Variants in SRRM4 observed in about 807,000 individuals in gnomAD.
SRRM4 encodes the protein serine/arginine repetitive matrix protein 4.
SRRM4 carries 33 observed loss-of-function variants against 68.9 expected under a neutral mutation model. That is an observed-to-expected ratio of 0.48 (90% CI 0.36 to 0.64). The LOEUF is 0.64. SRRM4 is among the 30% of genes least tolerant of loss of function. The pLI, the probability that SRRM4 is intolerant of heterozygous loss-of-function variation, is 0.00. For synonymous variants in SRRM4, 318 were observed against 318.8 expected, an observed-to-expected ratio of 1.00 and a Z score of 0.03; for missense variants, 817 against 827.1, an observed-to-expected ratio of 0.99 and a Z score of 0.15.
At chr12:119,070,421 C>T (rs907413652) in intron 1 of SRRM4, among the ~76,000 whole-genome samples, 1 of 152,042 alleles carries the variant, frequency 6.6e-6, no homozygotes, top group Non-Finnish European at 1.5e-5. Flanking sequence ...TAGAGTTCAC[C>T]CATGTCTGCA....
chr12:119,086,954 C>G (rs1339628062), intron 1 of SRRM4, among the ~76,000 whole-genome samples: 1 of 152,172 alleles, frequency 6.6e-6, no homozygotes, highest in Non-Finnish European at 1.5e-5. Flanking sequence ...TTTCTTGCCC[C>G]ATTATGTGTT....
intron 1 of SRRM4, among the ~76,000 whole-genome samples, chr12:119,092,721 A>G (rs1436175349): frequency 1.3e-5 from 2 of 152,036 alleles, no homozygotes; most frequent in African/African-American, 2.4e-5. Flanking sequence ...TCTATTCCAG[A>G]TCCCTGGCCA....
At position 119,145,394 on chromosome 12, in the gene SRRM4, G is replaced by A; in HGVS notation, c.785G>A (p.Gly262Glu). 6.2e-7 allele frequency: 1 copy of A among 1,603,762 alleles called. No individual in the cohort carries two copies. The highest frequency in any genetic ancestry group is 8.5e-7 in the Non-Finnish European group (1 of 1,174,990). ...TTTTGCTTTCAGATCACTGGGTCGG[G>A]GTCTGCTGCTGACCTCTTTACCAAA... ...LSARGVITGS[G>E]SAADLFTKTA... is the part of the protein sequence containing the mutation. Residue 262 changes from glycine (G) to glutamate (E), a missense_variant, in exon 9 of 13, where the codon GGG becomes GAG. By Grantham distance (98) the Gly-to-Glu change is moderately conservative. Coordinates refer to ENST00000267260, the MANE Select transcript of SRRM4 (RefSeq NM_194286.4).
intron 1 of SRRM4, among the ~76,000 whole-genome samples, chr12:118,988,128 A>C (rs1301921391): frequency 9.4e-6 from 1 of 105,826 alleles, no homozygotes; most frequent in Non-Finnish European, 2.3e-5. Context: ...AGAGGAATGT[A>C]AAAAAAAAAC....
chr12:119,104,914 C>T (rs1391261880), intron 2 of SRRM4, among the ~76,000 whole-genome samples: 3 of 151,270 alleles, frequency 2.0e-5, no homozygotes, highest in Non-Finnish European at 2.9e-5. Flanking sequence ...TGGTGTGCTG[C>T]ACCCATTAAC....
chr12:119,106,162 G>T (rs1328174756), intron 2 of SRRM4, among the ~76,000 whole-genome samples: 10 of 152,082 alleles, frequency 6.6e-5, no homozygotes, highest in East Asian at 1.9e-4. Flanking sequence ...TATTCCATTG[G>T]TCTATATCTC....
Position 119,125,460 on chromosome 12 carries a change from C to G in SRRM4, c.595C>G (p.Pro199Ala), listed in dbSNP as rs1592908314. 3.1e-6 allele frequency: 5 copies of G among 1,607,314 alleles called. No individual in the cohort carries two copies. In the East Asian group the frequency reaches 1.1e-4, roughly 36 times the overall value. The change falls in exon 7 of 13, where the codon CCC (proline) becomes GCC (alanine). Residue 199 changes from proline to alanine, a missense_variant. Transcript: ENST00000267260. The stretch of plus-strand genomic sequence containing the variant: ...GCGGTCCCAGAGCTCGGAGTCCCGC[C>G]CCTCAAGCTGTGAGAGCAGGTAACC... ...PSRSQSSESR[P>A]SSCESRHRGR...
In SRRM4 at chr12:119,157,022, A is replaced by G; in HGVS notation, c.*224A>G. ...CCTGGGGCCCAGCTCAGGCCTGGGCATATGGAAAGAACCATCATCTTGTGG... is the reference window on the plus strand; with the variant it reads ...CCTGGGGCCCAGCTCAGGCCTGGGCGTATGGAAAGAACCATCATCTTGTGG... On this transcript the variant is annotated 3_prime_UTR_variant, in exon 13 of 13. Coordinates refer to ENST00000267260, the MANE Select transcript of SRRM4 (RefSeq NM_194286.4). The surrounding 1 kb of genome is among the most constrained non-coding windows in gnomAD (Gnocchi z 4.1). 5 of 525,734 alleles carry G rather than the reference A, an allele frequency of 9.5e-6. No individual in the cohort carries two copies. The highest frequency in any genetic ancestry group is 1.6e-5 in the Non-Finnish European group (5 of 307,104). The allele number at this position is 525,734 out of a possible 1,614,324, so 32.6% of individuals were successfully genotyped here. A position where few individuals can be genotyped will look rare whatever the true frequency, so the allele number is the denominator to read the frequency against.
At chr12:119,057,612 T>G (rs1452508727) in intron 1 of SRRM4, among the ~76,000 whole-genome samples, 1 of 152,208 alleles carries the variant, frequency 6.6e-6, no homozygotes, top group South Asian at 2.1e-4. Context: ...GCATTTGGGT[T>G]CATTCCATGT....
chr12:118,989,001 G>T lies in SRRM4; in HGVS notation c.131+6988G>T, dbSNP rs578053199. Among the ~76,000 whole-genome samples the T allele has an allele frequency of 8.1e-4, 123 of 152,250 alleles. 1 individual carries two copies. The highest frequency in any genetic ancestry group is 8.0e-3 in the Admixed American group (122 of 15,290). On this transcript the variant is annotated intron_variant, in intron 1 of 12. Transcript: ENST00000267260. Reference sequence around the variant, plus strand: ...CTTGGTGTATTTGAGAAATAGCAAGGAGGTCAGTGTGGCTAGAGCAGAGTG... The same window carrying T: ...CTTGGTGTATTTGAGAAATAGCAAGTAGGTCAGTGTGGCTAGAGCAGAGTG...
intron 9 of SRRM4, among the ~76,000 whole-genome samples, chr12:119,146,824 T>C (rs1440551322): frequency 4.6e-5 from 7 of 151,498 alleles, no homozygotes; most frequent in African/African-American, 1.7e-4. Flanking sequence ...TAGTCCCAGC[T>C]ACTTGGGAGG....
intron 1 of SRRM4, among the ~76,000 whole-genome samples, chr12:119,020,218 T>C (rs1197179041): frequency 6.6e-6 from 1 of 151,990 alleles, no homozygotes; most frequent in Non-Finnish European, 1.5e-5. Flanking sequence ...CCCTTTATCA[T>C]ACTGATGGGA....
chr12:119,038,937 C>T (rs1471532227), intron 1 of SRRM4, among the ~76,000 whole-genome samples: 1 of 152,222 alleles, frequency 6.6e-6, no homozygotes, highest in Non-Finnish European at 1.5e-5. Flanking sequence ...AGAGGTCCAG[C>T]TGATCCCTTG....
chr12:119,063,210 C>G (rs937160644), intron 1 of SRRM4, among the ~76,000 whole-genome samples: 3 of 152,140 alleles, frequency 2.0e-5, no homozygotes, highest in Admixed American at 1.3e-4. Context: ...TTAGTAAGTT[C>G]CAGATTTAAT....
At chr12:119,146,479 G>A (rs1005823447) in intron 9 of SRRM4, among the ~76,000 whole-genome samples, 10 of 151,954 alleles carry the variant, frequency 6.6e-5, no homozygotes, top group Admixed American at 2.0e-4. Flanking sequence ...CCAGCTACTC[G>A]GGAGGCTGAG....
chr12:118,982,224 C>A (rs1451110281), intron 1 of SRRM4, among the ~76,000 whole-genome samples: 1 of 152,106 alleles, frequency 6.6e-6, no homozygotes, highest in Non-Finnish European at 1.5e-5. Flanking sequence ...GGGAAAGCAA[C>A]GCTTATTGGA....
intron 2 of SRRM4, among the ~76,000 whole-genome samples, chr12:119,108,721 G>C (rs1019997996): frequency 2.9e-4 from 44 of 151,902 alleles, no homozygotes; most frequent in African/African-American, 9.7e-4. Flanking sequence ...TGTCTCTGCA[G>C]GTGAGATGGG....
At chr12:119,150,513 T>C (rs574445291) in intron 9 of SRRM4, among the ~76,000 whole-genome samples, 26 of 152,240 alleles carry the variant, frequency 1.7e-4, no homozygotes, top group African/African-American at 5.5e-4. Flanking sequence ...ACACATATGA[T>C]TAAAACAATG....
chr12:119,129,029 G>A (rs887945811), intron 7 of SRRM4, among the ~76,000 whole-genome samples: 1 of 152,190 alleles, frequency 6.6e-6, no homozygotes, highest in Non-Finnish European at 1.5e-5. Flanking sequence ...GCAGTCAGGG[G>A]CACTCCAGGG....
Sources: allele counts gnomAD v4.1 joint callset (sites outside exome capture counted in the v4.1 genomes callset), GRCh38; gene constraint gnomAD v4.1.1; non-coding constraint Gnocchi (gnomAD v3.1); transcripts MANE v1.5; gene names NCBI Gene and HGNC (gene_info 2026-07-23, HGNC 2026-07-21).